MYO6: variants seen among roughly 807,000 people sequenced by gnomAD.
MYO6 encodes the protein unconventional myosin-VI.
A neutral mutation model predicts 178.7 loss-of-function variants in MYO6; 74 were observed. That is an observed-to-expected ratio of 0.41 (90% confidence interval 0.34 to 0.50). The LOEUF is 0.50. Ranked by LOEUF, MYO6 falls within the 20% of genes least tolerant of loss-of-function variation. MYO6 has a pLI of 0.09. For synonymous variants in MYO6, 477 were observed against 504.6 expected, an observed-to-expected ratio of 0.95 and a Z score of 0.73; for missense variants, 1,330 against 1,547.4, an observed-to-expected ratio of 0.86 and a Z score of 2.36.
intron 27 of MYO6, 44 bp downstream of exon 27, chr6:75,891,350 A>G: frequency 6.8e-7 from 1 of 1,466,056 alleles, no homozygotes. Flanking sequence ...TGGAACCTAC[A>G]GGCTGGGTGT....
chr6:75,756,636 A>G (rs373430678), intron 1 of MYO6, among the ~76,000 whole-genome samples: 1 of 152,168 alleles, frequency 6.6e-6, no homozygotes, highest in East Asian at 1.9e-4. Context: ...CCTGGCCAAT[A>G]GCAGCTATTG....
chr6:75,789,947 T>C (rs1383524041), intron 1 of MYO6, among the ~76,000 whole-genome samples: 1 of 152,326 alleles, frequency 6.6e-6, no homozygotes, highest in African/African-American at 2.4e-5. Context: ...TTTTATGAAA[T>C]CAATTTTTTT....
chr6:75,882,188 A>G (rs1158583783), intron 23 of MYO6, among the ~76,000 whole-genome samples: 2 of 152,050 alleles, frequency 1.3e-5, no homozygotes, highest in Admixed American at 6.5e-5. Context: ...ATTGTAATTG[A>G]TTTTCCTTTC....
chr6:75,909,585 G>A (rs1046639424), intron 32 of MYO6, among the ~76,000 whole-genome samples: 3 of 152,172 alleles, frequency 2.0e-5, no homozygotes, highest in African/African-American at 7.2e-5. Context: ...ATGTAACCTA[G>A]TACAAGCATG....
At chr6:75,815,951 A>G (rs1417612075) in intron 1 of MYO6, among the ~76,000 whole-genome samples, 1 of 152,252 alleles carries the variant, frequency 6.6e-6, no homozygotes, top group East Asian at 1.9e-4. Context: ...GTCTCATAGC[A>G]TCCAGGCTCA....
At position 75,915,578 on chromosome 6, in the gene MYO6, C is replaced by T. The variant is rs187056073; in HGVS notation, c.*566C>T. On this transcript the variant is annotated 3_prime_UTR_variant, in exon 35 of 35. Transcript: ENST00000369977. ...GTGTCTTAGTTTGAATGAAACACTT[C>T]GAAGTTCTAGAATTCTAGAAAGAGC... is the stretch of plus-strand genomic sequence containing the variant. 13 of 159,526 alleles carry T rather than the reference C, an allele frequency of 8.1e-5. No homozygotes were observed. The highest frequency in any genetic ancestry group is 3.3e-3 in the Middle Eastern group (1 of 306). The allele number at this position is 159,526 out of a possible 1,614,324, so 9.9% of individuals were successfully genotyped here. A position where few individuals can be genotyped will look rare whatever the true frequency, so the allele number is the denominator to read the frequency against.
At chr6:75,757,577 T>A (rs1219507628) in intron 1 of MYO6, among the ~76,000 whole-genome samples, 1 of 151,690 alleles carries the variant, frequency 6.6e-6, no homozygotes, top group African/African-American at 2.4e-5. Flanking sequence ...AACTACTTGG[T>A]CGTCAGGCTT....
At chr6:75,904,633 A>G (rs908765119) in intron 30 of MYO6, among the ~76,000 whole-genome samples, 39 of 152,034 alleles carry the variant, frequency 2.6e-4, no homozygotes, top group Admixed American at 2.1e-3. Context: ...GTTCTTCTAA[A>G]TTTTTTTCAA....
chr6:75,759,144 A>G (rs1340967286), intron 1 of MYO6, among the ~76,000 whole-genome samples: 2 of 152,156 alleles, frequency 1.3e-5, no homozygotes, highest in African/African-American at 2.4e-5. Context: ...TGCTGGGATT[A>G]CAGGAGTGAG....
intron 18 of MYO6, among the ~76,000 whole-genome samples, chr6:75,870,182 G>A (rs1449009644): frequency 6.6e-6 from 1 of 151,836 alleles, no homozygotes; most frequent in Non-Finnish European, 1.5e-5. Flanking sequence ...TTTACACTAA[G>A]TGTTCCATAA....
At chr6:75,775,136 A>G (rs996165085) in intron 1 of MYO6, among the ~76,000 whole-genome samples, 3 of 152,174 alleles carry the variant, frequency 2.0e-5, no homozygotes, top group Non-Finnish European at 4.4e-5. Context: ...TGATATTATC[A>G]TTTATACATT....
At chr6:75,870,116 A>G (rs557614486) in intron 18 of MYO6, among the ~76,000 whole-genome samples, 1 of 152,220 alleles carries the variant, frequency 6.6e-6, no homozygotes, top group Non-Finnish European at 1.5e-5. Flanking sequence ...TCCGTCTCAA[A>G]AAAAGAAAAA....
intron 1 of MYO6, among the ~76,000 whole-genome samples, chr6:75,760,505 A>G (rs1777851760): frequency 1.3e-5 from 2 of 152,202 alleles, no homozygotes; most frequent in Non-Finnish European, 2.9e-5. Flanking sequence ...CATGACCTCC[A>G]GAAAAGGAAA....
chr6:75,753,455 G>GTGTGTGTGTGTATA (rs370647728), intron 1 of MYO6, among the ~76,000 whole-genome samples: 26 of 140,040 alleles, frequency 1.9e-4, no homozygotes, highest in African/African-American at 5.9e-4. Flanking sequence ...GTGTGTGTGT[G>GTGTGTGTGTGTATA]TATATATATA....
At chr6:75,899,307 A>G (rs1276246107) in intron 30 of MYO6, among the ~76,000 whole-genome samples, 1 of 152,176 alleles carries the variant, frequency 6.6e-6, no homozygotes, top group African/African-American at 2.4e-5. Flanking sequence ...ATACATTCTG[A>G]CAATTATAAA....
In MYO6 at chr6:75,817,752, G is replaced by GGT. The variant is rs991286763; in HGVS notation, c.117+89_117+90dup. On this transcript the variant is annotated intron_variant, in intron 2 of 34. Coordinates refer to ENST00000369977, the MANE Select transcript of MYO6 (RefSeq NM_004999.4). Reference sequence around the variant, plus strand: ...AGAGTAAGGTCTGTCTTCTTAATGAGGTAGATATTTGGGAAAGCATATTTC... The same window carrying GGT: ...AGAGTAAGGTCTGTCTTCTTAATGAGGTGTAGATATTTGGGAAAGCATATTTC... The GGT allele has an allele frequency of 6.2e-6, 7 of 1,135,088 alleles. No individual in the cohort carries two copies. In the African/African-American group the frequency reaches 1.1e-4, roughly 17 times the overall value. The allele number at this position is 1,135,088 out of a possible 1,614,324, so 70.3% of individuals were successfully genotyped here.
intron 29 of MYO6, among the ~76,000 whole-genome samples, chr6:75,897,617 C>T (rs967416086): frequency 2.0e-5 from 3 of 152,072 alleles, no homozygotes; most frequent in Admixed American, 2.0e-4. Context: ...TTTGAGGTTA[C>T]TAGAGTTTGA....
Position 75,854,275 on chromosome 6 carries a change from CTTTTTTTTTTTTTTTT to C in MYO6, c.1079-847_1079-832del, listed in dbSNP as rs61398235. Among the ~76,000 whole-genome samples the C allele has an allele frequency of 4.0e-4, 18 of 45,498 alleles. No homozygotes were observed. In the South Asian group the frequency reaches 0.01, roughly 26 times the overall value. The allele number at this position is 45,498 out of a possible 152,430, so 29.8% of individuals were successfully genotyped here. A position where few individuals can be genotyped will look rare whatever the true frequency, so the allele number is the denominator to read the frequency against. Reference sequence around the variant, plus strand: ...CATGGGTCAAGACCTAACTGCATTGCTTTTTTTTTTTTTTTTTTTTTTTTTTTTTTTTGCTATTCTC... The same window carrying C: ...CATGGGTCAAGACCTAACTGCATTGCTTTTTTTTTTTTTTTTGCTATTCTC... On this transcript the variant is annotated intron_variant, in intron 11 of 34. Transcript: ENST00000369977.
intron 7 of MYO6, 146 bp from the exon 8 acceptor site, chr6:75,840,434 TACAGG>T (rs1202506300): frequency 1.5e-6 from 1 of 646,846 alleles, no homozygotes; most frequent in Non-Finnish European, 2.8e-6. Flanking sequence ...GTGCTGGGAT[TACAGG>T]CATGAGCCAC....
Sources: allele counts gnomAD v4.1 joint callset (sites outside exome capture counted in the v4.1 genomes callset), GRCh38; gene constraint gnomAD v4.1.1; transcripts MANE v1.5; gene names NCBI Gene and HGNC (gene_info 2026-07-23, HGNC 2026-07-21).